The following LMAN2L variants were observed in gnomAD, a reference collection of about 807,000 sequenced individuals.
LMAN2L encodes lectin, mannose binding 2 like.
In LMAN2L, 30 loss-of-function variants were observed where a neutral mutation model predicts 44.3. The observed-to-expected ratio is 0.68, with a 90% CI of 0.51 to 0.92. LMAN2L has a LOEUF of 0.92. Among genes scored for constraint, LMAN2L ranks in the 40% least tolerant of loss-of-function variants. The probability of loss-of-function intolerance (pLI) is 0.00; values close to 1 mark genes in which losing one functional copy is unlikely to be tolerated. For missense variants in LMAN2L, 429 were observed against 446.1 expected (o/e 0.96, Z 0.35); for synonymous variants, 183 against 171.1 (o/e 1.07, Z -0.54).
intron 6 of LMAN2L, among the ~76,000 whole-genome samples, chr2:96,710,170 A>G (rs1035862317): frequency 1.4e-4 from 22 of 152,218 alleles, no homozygotes; most frequent in Admixed American, 1.3e-3. Flanking sequence ...AAGGGGAGGA[A>G]TACTGCAAAG....
Position 96,740,004 on chromosome 2 carries a change from G to T in LMAN2L, c.37C>A (p.Gln13Lys). 4.3e-6 allele frequency: 7 copies of T among 1,613,330 alleles called. No individual in the cohort carries two copies. Among genetic ancestry groups the T allele is most frequent in the Non-Finnish European group, 5.9e-6 (7 of 1,179,974 alleles). ...ATLGPLGSWQQWRRCLSARDG... is the reference protein window; with the variant it reads ...ATLGPLGSWQKWRRCLSARDG... ...CGAGCCGACAAACATCGCCGCCACT[G>T]CTGCCACGACCCAAGGGGTCCCAGA... is the stretch of plus-strand genomic sequence containing the variant. Residue 13 changes from glutamine to lysine, a missense_variant, in exon 1 of 8, where the codon CAG becomes AAG. By Grantham distance (53) the Gln-to-Lys change is moderately conservative. Coordinates refer to ENST00000264963, the MANE Select transcript of LMAN2L (RefSeq NM_030805.4).
chr2:96,707,785 C>T lies in LMAN2L; in HGVS notation c.833G>A (p.Arg278Lys). Residue 278 changes from arginine (R) to lysine (K), a missense_variant, in exon 7 of 8, where the codon AGA (arginine) becomes AAA (lysine). Physicochemically the swap from Arg to Lys is conservative, Grantham distance 26. Coordinates refer to ENST00000264963, the MANE Select transcript of LMAN2L (RefSeq NM_030805.4). ...ATGGAGCTTTTCCTCTTCTGGGGTT[C>T]TCTCCACTGTCAGTTCAAACAACTT... ...SLKLFELTVE[R>K]TPEEEKLHRD... The T allele has an allele frequency of 6.2e-7, 1 of 1,613,848 alleles. No homozygotes were observed. The highest frequency in any genetic ancestry group is 8.5e-7 in the Non-Finnish European group (1 of 1,179,776).
In LMAN2L at chr2:96,724,648, C is replaced by T. The variant is rs527449766; in HGVS notation, c.507+8871G>A. Among the ~76,000 whole-genome samples the T allele has an allele frequency of 2.0e-5, 3 of 151,940 alleles. No homozygotes were observed. In the South Asian group the frequency reaches 6.2e-4, roughly 32 times the overall value. ...CGGGTAGCATGCATCACCCACCACA[C>T]CAGGCTAATTTTTTTTGAGACAGAG... On this transcript the variant is annotated intron_variant, in intron 4 of 7. Transcript: ENST00000264963.
chr2:96,713,240 T>C, intron 4 of LMAN2L: 1 of 996,380 alleles, frequency 1.0e-6, no homozygotes, highest in Non-Finnish European at 1.5e-6. Flanking sequence ...GACCCAGCTG[T>C]GATGGATGAA....
chr2:96,735,695 C>T (rs1033361473), intron 2 of LMAN2L, among the ~76,000 whole-genome samples: 5 of 151,964 alleles, frequency 3.3e-5, no homozygotes, highest in African/African-American at 9.7e-5. Flanking sequence ...AAAAATTAGC[C>T]GGTGTGGTGG....
chr2:96,726,159 CTTT>C (rs997731413), intron 4 of LMAN2L, among the ~76,000 whole-genome samples: 2 of 150,328 alleles, frequency 1.3e-5, no homozygotes, highest in South Asian at 2.1e-4. Context: ...AGAAATAAAC[CTTT>C]TTAATAATAT....
intron 4 of LMAN2L, among the ~76,000 whole-genome samples, chr2:96,722,881 G>A (rs940764407): frequency 6.6e-6 from 1 of 152,152 alleles, no homozygotes; most frequent in East Asian, 1.9e-4. Context: ...TTAGCCAGGC[G>A]TGGTGGCAGG....
intron 4 of LMAN2L, among the ~76,000 whole-genome samples, chr2:96,732,144 T>C (rs2078411950): frequency 6.7e-6 from 1 of 149,520 alleles, no homozygotes; most frequent in African/African-American, 2.5e-5. Context: ...TGAGCCACCA[T>C]GCCTGGCCTT....
At chr2:96,715,173 G>A (rs1467249572) in intron 4 of LMAN2L, among the ~76,000 whole-genome samples, 8 of 152,098 alleles carry the variant, frequency 5.3e-5, no homozygotes, top group Non-Finnish European at 1.0e-4. Flanking sequence ...TCCTGATCTC[G>A]TGATCTGCCC....
chr2:96,736,831 G>A (rs187125880), intron 2 of LMAN2L, among the ~76,000 whole-genome samples: 250 of 152,236 alleles, frequency 1.6e-3, no homozygotes, highest in African/African-American at 2.9e-3. Flanking sequence ...TCTCTGCTAC[G>A]AAAACACAAT....
At chr2:96,722,264 G>A (rs1003555107) in intron 4 of LMAN2L, among the ~76,000 whole-genome samples, 1 of 151,990 alleles carries the variant, frequency 6.6e-6, no homozygotes, top group Non-Finnish European at 1.5e-5. Context: ...CACCGCACCC[G>A]GCCTGTGTAC....
intron 4 of LMAN2L, among the ~76,000 whole-genome samples, chr2:96,728,588 A>G (rs1034735207): frequency 6.6e-6 from 1 of 151,804 alleles, no homozygotes; most frequent in African/African-American, 2.4e-5. Flanking sequence ...CACGCTTGTA[A>G]TCCTAGCAGT....
intron 4 of LMAN2L, among the ~76,000 whole-genome samples, chr2:96,712,587 G>T (rs1000939622): frequency 6.6e-6 from 1 of 152,176 alleles, no homozygotes; most frequent in Non-Finnish European, 1.5e-5. Context: ...AGGCTAAATG[G>T]ATTAGAACTC....
chr2:96,726,685 G>A (rs1425444890), intron 4 of LMAN2L, among the ~76,000 whole-genome samples: 1 of 152,118 alleles, frequency 6.6e-6, no homozygotes, highest in East Asian at 1.9e-4. Context: ...TCAGGAGGCT[G>A]GGGCAGGAGA....
chr2:96,725,445 T>C (rs1032722684), intron 4 of LMAN2L, among the ~76,000 whole-genome samples: 1 of 138,340 alleles, frequency 7.2e-6, no homozygotes, highest in African/African-American at 2.6e-5. Context: ...TTAAATTTTC[T>C]TTTTTTTTTT....
At chr2:96,713,075 G>C in intron 4 of LMAN2L, 1 of 1,542,228 alleles carries the variant, frequency 6.5e-7, no homozygotes, top group Admixed American at 2.0e-5. Context: ...ATGGGAATGA[G>C]GGATGCTCAT....
intron 4 of LMAN2L, among the ~76,000 whole-genome samples, chr2:96,726,175 TATA>T (rs1334113698): frequency 6.6e-6 from 1 of 151,420 alleles, no homozygotes; most frequent in East Asian, 1.9e-4. Context: ...AATAATATTT[TATA>T]ATATTTTTGC....
At chr2:96,720,586 G>A (rs2078130470) in intron 4 of LMAN2L, among the ~76,000 whole-genome samples, 1 of 151,856 alleles carries the variant, frequency 6.6e-6, no homozygotes, top group African/African-American at 2.4e-5. Flanking sequence ...CAAAGTGCTG[G>A]GATTATAGGC....
intron 3 of LMAN2L, 22 bp downstream of exon 3, chr2:96,734,387 G>C: frequency 7.0e-7 from 1 of 1,422,796 alleles, no homozygotes. Flanking sequence ...ACCCACACAA[G>C]AGTAACACAG....
Sources: allele counts gnomAD v4.1 joint callset (sites outside exome capture counted in the v4.1 genomes callset), GRCh38; gene constraint gnomAD v4.1.1; transcripts MANE v1.5; gene names NCBI Gene and HGNC (gene_info 2026-07-23, HGNC 2026-07-21).